Variants in UBP1 observed in about 807,000 individuals in gnomAD.
UBP1 encodes upstream-binding protein 1.
In UBP1, 22 loss-of-function variants were observed where a neutral mutation model predicts 76.1. The observed-to-expected ratio is 0.29, with a 90% CI of 0.21 to 0.41. UBP1 has a LOEUF of 0.41. Among genes scored for constraint, UBP1 ranks in the 10% least tolerant of loss-of-function variants. The pLI is 1.00. For missense variants in UBP1, 436 were observed against 668.1 expected, an observed-to-expected ratio of 0.65 and a Z score of 3.83; for synonymous variants, 224 against 237.1, an observed-to-expected ratio of 0.94 and a Z score of 0.51.
chr3:33,409,159 T>C, intron 7 of UBP1, 77 bp downstream of exon 7: 2 of 1,385,372 alleles, frequency 1.4e-6, no homozygotes, highest in Non-Finnish European at 2.0e-6. Flanking sequence ...AACCCTTTTG[T>C]AGCAGAACTC....
intron 2 of UBP1, among the ~76,000 whole-genome samples, chr3:33,418,015 T>A (rs1020240732): frequency 1.5e-4 from 23 of 152,310 alleles, no homozygotes; most frequent in Admixed American, 9.8e-4. Context: ...AACACCTGTA[T>A]GGGAAGAGAC....
At chr3:33,393,574 C>T (rs1359288771) in intron 13 of UBP1, 120 bp from the exon 14 acceptor site, 2 of 901,498 alleles carry the variant, frequency 2.2e-6, no homozygotes, top group Middle Eastern at 3.5e-4. Context: ...AGTAAAAAAA[C>T]ATTTTAAATG....
At chr3:33,428,759 C>G (rs2045062805) in intron 1 of UBP1, among the ~76,000 whole-genome samples, 1 of 150,746 alleles carries the variant, frequency 6.6e-6, no homozygotes, top group African/African-American at 2.4e-5. Flanking sequence ...TCTCTGAATC[C>G]TTACATCAGC....
chr3:33,437,934 A>T (rs1396562357), intron 1 of UBP1, among the ~76,000 whole-genome samples: 1 of 152,226 alleles, frequency 6.6e-6, no homozygotes, highest in Non-Finnish European at 1.5e-5. Flanking sequence ...GACTCAATTA[A>T]ATACGAAAAA....
At chr3:33,412,859 T>A in intron 3 of UBP1, 32 bp from the exon 4 acceptor site, 3 of 1,428,206 alleles carry the variant, frequency 2.1e-6, no homozygotes, top group Non-Finnish European at 2.0e-6. Flanking sequence ...TGAGTACTTT[T>A]AAACTGCTCC....
chr3:33,432,900 AG>A (rs990668640), intron 1 of UBP1, among the ~76,000 whole-genome samples: 9 of 152,308 alleles, frequency 5.9e-5, no homozygotes, highest in Non-Finnish European at 1.3e-4. Flanking sequence ...AGCTGGGTGA[AG>A]GGTACATGTG....
At chr3:33,414,511 C>T (rs769138690) in intron 3 of UBP1, among the ~76,000 whole-genome samples, 1 of 152,076 alleles carries the variant, frequency 6.6e-6, no homozygotes, top group Non-Finnish European at 1.5e-5. Context: ...CAAGAAGTTC[C>T]AAAGCACCTT....
chr3:33,407,726 T>A (rs1313734799), intron 8 of UBP1, among the ~76,000 whole-genome samples: 1 of 152,202 alleles, frequency 6.6e-6, no homozygotes, highest in Non-Finnish European at 1.5e-5. Flanking sequence ...AAGTCTACAT[T>A]TAACCACAGC....
intron 10 of UBP1, 81 bp downstream of exon 10, chr3:33,400,881 T>A: frequency 7.4e-7 from 1 of 1,347,606 alleles, no homozygotes; most frequent in South Asian, 1.3e-5. Flanking sequence ...TCTCACCTAC[T>A]CCATACATTT....
chr3:33,418,630 G>A (rs541595421), intron 2 of UBP1, among the ~76,000 whole-genome samples: 5 of 151,704 alleles, frequency 3.3e-5, no homozygotes, highest in African/African-American at 7.2e-5. Flanking sequence ...AGCCCGAGGC[G>A]GGCAGATCAC....
intron 11 of UBP1, 41 bp downstream of exon 11, chr3:33,400,148 A>C (rs2044167146): frequency 1.5e-6 from 2 of 1,297,886 alleles, no homozygotes; most frequent in Non-Finnish European, 2.1e-6. Flanking sequence ...AAACAAAAAC[A>C]AAACATTCTC....
intron 8 of UBP1, among the ~76,000 whole-genome samples, chr3:33,405,618 G>C (rs1216688719): frequency 1.3e-5 from 2 of 152,116 alleles, no homozygotes; most frequent in African/African-American, 4.8e-5. Flanking sequence ...TCTGAGGCCA[G>C]GAGTTGGGGA....
chr3:33,439,666 C>CA (rs2045258712), intron 1 of UBP1, 70 bp downstream of exon 1: 2 of 1,532,414 alleles, frequency 1.3e-6, no homozygotes, highest in Non-Finnish European at 1.8e-6. Context: ...CCGCATCTGG[C>CA]AGAGACTCAG....
At chr3:33,400,548 A>T (rs972817720) in intron 10 of UBP1, among the ~76,000 whole-genome samples, 4 of 152,208 alleles carry the variant, frequency 2.6e-5, no homozygotes, top group Non-Finnish European at 2.9e-5. Flanking sequence ...TGAACATTTC[A>T]TTGTCTTAAG....
At chr3:33,433,780 T>G (rs1170467749) in intron 1 of UBP1, among the ~76,000 whole-genome samples, 1 of 152,112 alleles carries the variant, frequency 6.6e-6, no homozygotes, top group Non-Finnish European at 1.5e-5. Context: ...GGGCACCATG[T>G]GGCCCACCTG....
Position 33,393,265 on chromosome 3 carries a change from A to G in UBP1, c.1533+47T>C, listed in dbSNP as rs375713326. On this transcript the variant is annotated intron_variant, in intron 14 of 15. Coordinates refer to ENST00000283629, the MANE Select transcript of UBP1 (RefSeq NM_014517.5). ...TCTACAGTTCTACAATTACATGTAT[A>G]AAAGTAAATACCAGTCTGAAAAGGA... The G allele has an allele frequency of 7.9e-5, 121 of 1,540,650 alleles. No homozygotes were observed. In the African/African-American group the frequency reaches 1.5e-3, roughly 19 times the overall value.
At chr3:33,413,019 A>AATAAT (rs2044631949) in intron 3 of UBP1, among the ~76,000 whole-genome samples, 192 bp from the exon 4 acceptor site, 1 of 152,236 alleles carries the variant, frequency 6.6e-6, no homozygotes, top group East Asian at 1.9e-4. Context: ...GCAAAGAATT[A>AATAAT]TAACTCAAAA....
intron 8 of UBP1, among the ~76,000 whole-genome samples, chr3:33,403,947 G>A (rs1485549064): frequency 6.6e-6 from 1 of 152,116 alleles, no homozygotes; most frequent in Non-Finnish European, 1.5e-5. Context: ...ATAGCCCTGG[G>A]GTTTAAGACT....
rs113114874 is a variant in UBP1 at position 33,433,654 on chromosome 3, C to CA, written c.113+6081dup. Among the ~76,000 whole-genome samples, 54 of 139,708 alleles carry CA rather than the reference C, an allele frequency of 3.9e-4. 1 individual carries two copies. The highest frequency in any genetic ancestry group is 1.8e-3 in the Admixed American group (25 of 14,142). The allele number at this position is 139,708 out of a possible 152,430, so 91.7% of individuals were successfully genotyped here. On this transcript the variant is annotated intron_variant, in intron 1 of 15. Transcript: ENST00000283629. ...GGTAACAGAACAAGACTCCACATCT[C>CA]AAAAAAAAAAGACTCTACCACCAAA... is the stretch of plus-strand genomic sequence containing the variant.
Sources: gnomAD v4.1 joint callset for allele counts (sites outside exome capture counted in the v4.1 genomes callset) on GRCh38, gnomAD v4.1.1 for gene constraint, MANE v1.5 for transcripts, NCBI Gene and HGNC (gene_info 2026-07-23, HGNC 2026-07-21) for gene names.